SERGEF: variants seen among roughly 807,000 people sequenced by gnomAD.
SERGEF encodes secretion-regulating guanine nucleotide exchange factor.
Under a neutral mutation model 50.0 loss-of-function variants are expected in SERGEF, and 51 were observed. The observed-to-expected ratio is 1.02, with a 90% CI of 0.81 to 1.29. The LOEUF is 1.29. SERGEF is among the 50% of genes most tolerant of loss of function. The pLI, the probability that SERGEF is intolerant of heterozygous loss-of-function variation, is 0.00. For missense variants in SERGEF, 521 were observed against 557.0 expected, an observed-to-expected ratio of 0.94 and a Z score of 0.65; for synonymous variants, 205 against 212.4, an observed-to-expected ratio of 0.97 and a Z score of 0.30.
chr11:17,976,894 C>T (rs1307964695), intron 8 of SERGEF, among the ~76,000 whole-genome samples: 1 of 152,226 alleles, frequency 6.6e-6, no homozygotes, highest in Non-Finnish European at 1.5e-5. Context: ...AAGCCAAGGT[C>T]TCAAGGCAAG....
chr11:17,956,857 C>T (rs1292761562), intron 9 of SERGEF, among the ~76,000 whole-genome samples: 1 of 152,180 alleles, frequency 6.6e-6, no homozygotes, highest in Non-Finnish European at 1.5e-5. Flanking sequence ...CTGGCCAAGC[C>T]CATGACCAAG....
intron 9 of SERGEF, among the ~76,000 whole-genome samples, chr11:17,920,524 T>A (rs973117197): frequency 1.3e-5 from 2 of 152,216 alleles, no homozygotes; most frequent in Non-Finnish European, 2.9e-5. Flanking sequence ...ATTTTATAGA[T>A]GAGAAAACTG....
At chr11:17,921,165 T>C (rs2133939149) in intron 9 of SERGEF, among the ~76,000 whole-genome samples, 1 of 152,350 alleles carries the variant, frequency 6.6e-6, no homozygotes, top group South Asian at 2.1e-4. Context: ...TGGTTCTGCA[T>C]TTTGACAGTC....
intron 9 of SERGEF, among the ~76,000 whole-genome samples, chr11:17,908,949 AT>A (rs1481742936): frequency 1.2e-4 from 19 of 152,338 alleles, no homozygotes; most frequent in Non-Finnish European, 2.8e-4. Context: ...TCTTGCTGGA[AT>A]CCATGGAACT....
intron 1 of SERGEF, chr11:18,012,685 G>A: frequency 2.0e-6 from 2 of 1,009,210 alleles, no homozygotes; most frequent in Non-Finnish European, 1.3e-6. Context: ...GCTCTGCCCC[G>A]AGGCAGGTTC....
chr11:17,937,732 A>G (rs1590207954), intron 9 of SERGEF, among the ~76,000 whole-genome samples: 1 of 152,244 alleles, frequency 6.6e-6, no homozygotes, highest in East Asian at 1.9e-4. Context: ...CAAAAAAACA[A>G]TATAAAGATG....
At chr11:17,899,990 T>C (rs1258569498) in intron 9 of SERGEF, among the ~76,000 whole-genome samples, 1 of 151,294 alleles carries the variant, frequency 6.6e-6, no homozygotes, top group Admixed American at 6.6e-5. Flanking sequence ...TTAATGAACA[T>C]GTACTATATG....
intron 8 of SERGEF, among the ~76,000 whole-genome samples, chr11:17,966,392 G>A (rs1853125529): frequency 6.6e-6 from 1 of 152,172 alleles, no homozygotes; most frequent in African/African-American, 2.4e-5. Context: ...GCATGGCCTT[G>A]AACAGGTCCC....
intron 9 of SERGEF, among the ~76,000 whole-genome samples, chr11:17,925,785 A>AT (rs1176831245): frequency 6.6e-6 from 1 of 152,198 alleles, no homozygotes; most frequent in East Asian, 1.9e-4. Flanking sequence ...ATCTGTCTGC[A>AT]TTTTTGGAAG....
chr11:17,856,503 T>G (rs1234639359), intron 10 of SERGEF: 2 of 152,156 alleles, frequency 1.3e-5, no homozygotes, highest in East Asian at 1.9e-4. Context: ...GAGACCCCTT[T>G]GCAGCTCTTA....
chr11:17,808,338 C>T (rs1849801948), intron 10 of SERGEF, among the ~76,000 whole-genome samples: 1 of 152,152 alleles, frequency 6.6e-6, no homozygotes, highest in South Asian at 2.1e-4. Context: ...TGGTGAGGGC[C>T]TCAGGAAGCT....
chr11:17,955,196 C>A (rs1206594647), intron 9 of SERGEF, among the ~76,000 whole-genome samples: 1 of 152,218 alleles, frequency 6.6e-6, no homozygotes, highest in African/African-American at 2.4e-5. Context: ...AATAACATTT[C>A]TTTTTTGTTA....
At position 17,807,507 on chromosome 11, in the gene SERGEF, C is replaced by G. The variant is rs975789637; in HGVS notation, c.1049-19094G>C. Among the ~76,000 whole-genome samples the G allele has an allele frequency of 2.0e-5, 3 of 152,332 alleles. No homozygotes were observed. The East Asian group carries it at 5.8e-4, about 29-fold the overall frequency. On this transcript the variant is annotated intron_variant, in intron 10 of 10. Transcript: ENST00000265965. ...CCTGGCTGTCTGCACTGTGGCTCACCCAGGGGGTAATGCGGTTTTTAGCTG... is the reference window on the plus strand; with the variant it reads ...CCTGGCTGTCTGCACTGTGGCTCACGCAGGGGGTAATGCGGTTTTTAGCTG...
intron 10 of SERGEF, among the ~76,000 whole-genome samples, chr11:17,827,757 G>A (rs1348722690): frequency 6.6e-6 from 1 of 152,186 alleles, no homozygotes; most frequent in Non-Finnish European, 1.5e-5. Flanking sequence ...GAAAGGATGA[G>A]TGGCAAGGAA....
chr11:17,902,640 T>C (rs928521140), intron 9 of SERGEF, among the ~76,000 whole-genome samples: 1 of 152,174 alleles, frequency 6.6e-6, no homozygotes, highest in Admixed American at 6.5e-5. Flanking sequence ...TAAGTTTACT[T>C]TTTTAGTTAG....
At chr11:17,901,151 A>G (rs570915634) in intron 9 of SERGEF, among the ~76,000 whole-genome samples, 2 of 152,194 alleles carry the variant, frequency 1.3e-5, no homozygotes, top group African/African-American at 4.8e-5. Flanking sequence ...AGTGTGGCCA[A>G]CCACCAAATC....
At chr11:17,837,490 T>C (rs1337182655) in intron 10 of SERGEF, among the ~76,000 whole-genome samples, 2 of 151,158 alleles carry the variant, frequency 1.3e-5, no homozygotes, top group African/African-American at 4.9e-5. Flanking sequence ...GCCTGGCACC[T>C]CCCCTCTCTC....
At chr11:17,949,594 G>C (rs1384997840) in intron 9 of SERGEF, among the ~76,000 whole-genome samples, 1 of 152,112 alleles carries the variant, frequency 6.6e-6, no homozygotes. Flanking sequence ...CTGGGAGAGA[G>C]ATCTAGCTGT....
At position 18,012,953 on chromosome 11, in the gene SERGEF, A is replaced by G; in HGVS notation, c.58T>C (p.Trp20Arg). 6.7e-7 allele frequency: 1 copy of G among 1,491,760 alleles called. No homozygotes were observed. The highest frequency in any genetic ancestry group is 8.8e-7 in the Non-Finnish European group (1 of 1,130,408). 92.4% of individuals were successfully genotyped at this position (1,491,760 alleles called of 1,614,324 possible). A position where few individuals can be genotyped will look rare whatever the true frequency, so the allele number is the denominator to read the frequency against. ...AAPAAAALFA[W>R]GANSYGQLGL... ...GGCCCGGGGGCGGAGTCACGTACCC[A>G]GGCGAAGAGCGCGGCCGCCGCGGGG... The change falls in exon 1 of 11, where the codon TGG (tryptophan) becomes CGG (arginine). Residue 20 changes from tryptophan to arginine, a missense_variant and splice_region_variant. Physicochemically the swap from Trp to Arg is moderately radical, Grantham distance 101. Transcript: ENST00000265965.
Sources: gnomAD v4.1 joint callset for allele counts (sites outside exome capture counted in the v4.1 genomes callset) on GRCh38, gnomAD v4.1.1 for gene constraint, MANE v1.5 for transcripts, NCBI Gene and HGNC (gene_info 2026-07-23, HGNC 2026-07-21) for gene names.